The following NCAM2 variants were observed in gnomAD, a reference collection of about 807,000 sequenced individuals.
The protein encoded by NCAM2 is neural cell adhesion molecule 2, also known as N-CAM-2.
NCAM2 carries 30 observed loss-of-function variants against 98.1 expected under a neutral mutation model. The ratio of observed to expected loss-of-function variants is 0.31; its 90% confidence interval spans 0.23 to 0.41. The LOEUF (loss-of-function observed/expected upper bound fraction) is 0.41, where lower values mean the gene tolerates loss of function less well. Among genes scored for constraint, NCAM2 ranks in the 10% least tolerant of loss-of-function variants. The pLI, the probability that NCAM2 is intolerant of heterozygous loss-of-function variation, is 1.00. For synonymous variants in NCAM2, 368 were observed against 342.4 expected, an observed-to-expected ratio of 1.07 and a Z score of -0.83; for missense variants, 867 against 1,005.8, an observed-to-expected ratio of 0.86 and a Z score of 1.87.
At chr21:21,079,433 G>A (rs2065746889) in intron 1 of NCAM2, among the ~76,000 whole-genome samples, 1 of 151,926 alleles carries the variant, frequency 6.6e-6, no homozygotes, top group Admixed American at 6.6e-5. Flanking sequence ...ATATCTAGGG[G>A]GAAAATAAGA....
intron 9 of NCAM2, among the ~76,000 whole-genome samples, chr21:21,397,986 C>A (rs1431028901): frequency 1.3e-5 from 2 of 152,192 alleles, no homozygotes; most frequent in Non-Finnish European, 2.9e-5. Context: ...TATAGCAGCA[C>A]AATTAGCAAA....
At chr21:21,265,009 T>TACAC (rs2072116747) in intron 1 of NCAM2, among the ~76,000 whole-genome samples, 1 of 6,720 alleles carries the variant, frequency 1.5e-4, no homozygotes, top group African/African-American at 5.3e-4. Flanking sequence ...TATATACACA[T>TACAC]ATATATTATA....
intron 1 of NCAM2, among the ~76,000 whole-genome samples, chr21:21,049,873 A>G (rs2065072468): frequency 6.9e-6 from 1 of 144,742 alleles, no homozygotes; most frequent in Admixed American, 6.7e-5. Flanking sequence ...CTCCATCTCA[A>G]AAAAAAAAAA....
At chr21:21,294,937 A>G (rs1228555744) in intron 5 of NCAM2, among the ~76,000 whole-genome samples, 3 of 151,718 alleles carry the variant, frequency 2.0e-5, no homozygotes, top group African/African-American at 7.2e-5. Context: ...TTTTATTCAT[A>G]TTATTTGATC....
chr21:21,136,634 T>TG (rs1219284263), intron 1 of NCAM2, among the ~76,000 whole-genome samples: 18 of 60,788 alleles, frequency 3.0e-4, no homozygotes, highest in Middle Eastern at 6.8e-3. Context: ...TTTTTTGTTT[T>TG]TTTTTTTATT....
At chr21:21,366,032 G>C (rs537257853) in intron 8 of NCAM2, among the ~76,000 whole-genome samples, 3 of 152,020 alleles carry the variant, frequency 2.0e-5, no homozygotes, top group African/African-American at 4.8e-5. Context: ...TCCATGCTGT[G>C]AGTATGGGGT....
intron 16 of NCAM2, among the ~76,000 whole-genome samples, chr21:21,515,153 G>A (rs1449421332): frequency 6.6e-6 from 1 of 152,172 alleles, no homozygotes; most frequent in Non-Finnish European, 1.5e-5. Flanking sequence ...AATAACTTGT[G>A]TGAGCTTTGT....
intron 1 of NCAM2, among the ~76,000 whole-genome samples, chr21:21,029,996 T>C (rs1449768906): frequency 6.6e-6 from 1 of 152,198 alleles, no homozygotes; most frequent in Non-Finnish European, 1.5e-5. Flanking sequence ...GTAAACTTGA[T>C]TTAATTAAAT....
chr21:21,410,522 A>G, intron 10 of NCAM2, 61 bp downstream of exon 10: 1 of 886,284 alleles, frequency 1.1e-6, no homozygotes, highest in Non-Finnish European at 1.6e-6. Flanking sequence ...ACTATTTCAG[A>G]ATATATTTAA....
At chr21:21,448,767 T>G (rs1047256456) in intron 12 of NCAM2, among the ~76,000 whole-genome samples, 4 of 152,060 alleles carry the variant, frequency 2.6e-5, no homozygotes, top group African/African-American at 9.7e-5. Flanking sequence ...GAAACTGCAG[T>G]AAACTTATGA....
intron 1 of NCAM2, among the ~76,000 whole-genome samples, chr21:21,248,394 C>A (rs1195185779): frequency 1.3e-5 from 2 of 152,018 alleles, no homozygotes; most frequent in East Asian, 1.9e-4. Flanking sequence ...CCTTACTTTT[C>A]TTCCTCTTTA....
intron 12 of NCAM2, among the ~76,000 whole-genome samples, chr21:21,460,222 T>G (rs1203811432): frequency 1.3e-5 from 2 of 151,990 alleles, no homozygotes; most frequent in African/African-American, 4.8e-5. Context: ...ATGAGGATTT[T>G]CATTTACTAC....
chr21:21,200,407 C>CA (rs1568758682), intron 1 of NCAM2, among the ~76,000 whole-genome samples: 71 of 38,116 alleles, frequency 1.9e-3, no homozygotes, highest in African/African-American at 3.5e-3. Context: ...AACCCCATGC[C>CA]TGAAAAAAAA....
intron 1 of NCAM2, among the ~76,000 whole-genome samples, chr21:21,205,808 A>G (rs929414010): frequency 6.6e-6 from 1 of 152,122 alleles, no homozygotes; most frequent in Non-Finnish European, 1.5e-5. Flanking sequence ...CAGATTTGGT[A>G]TCTGGCGAGG....
chr21:21,525,851 G>A (rs888107065), intron 16 of NCAM2, among the ~76,000 whole-genome samples: 2 of 151,896 alleles, frequency 1.3e-5, no homozygotes, highest in African/African-American at 2.4e-5. Flanking sequence ...CTGGTTCAAC[G>A]TTAAAAAATC....
chr21:21,364,706 T>C (rs1292772889), intron 8 of NCAM2, among the ~76,000 whole-genome samples: 1 of 152,062 alleles, frequency 6.6e-6, no homozygotes, highest in Admixed American at 6.6e-5. Context: ...ATACTTTTAA[T>C]TTTATGGTAT....
Position 21,540,114 on chromosome 21 carries a change from T to A in NCAM2, c.*2157T>A, listed in dbSNP as rs543418657. 6.6e-6 allele frequency: 1 copy of A among 152,128 alleles called. No homozygotes were observed. Among genetic ancestry groups the A allele is most frequent in the African/African-American group, 2.4e-5 (1 of 41,452 alleles). 9.4% of individuals were successfully genotyped at this position (152,128 alleles called of 1,614,324 possible). On this transcript the variant is annotated 3_prime_UTR_variant, in exon 18 of 18. Coordinates refer to ENST00000400546, the MANE Select transcript of NCAM2 (RefSeq NM_004540.5). ...GACTGAGAAAGTCATTTCGCATGTT[T>A]ACTATTGTTATATTCGTGCTTTACT...
intron 1 of NCAM2, among the ~76,000 whole-genome samples, chr21:21,089,830 C>T (rs539022594): frequency 1.4e-4 from 21 of 152,234 alleles, no homozygotes; most frequent in Admixed American, 3.3e-4. Context: ...TGAGTTTATA[C>T]GTATATGGCT....
rs533923990 is a variant in NCAM2 at position 21,425,192 on chromosome 21, C to A, written c.1480+6623C>A. 5.9e-5 allele frequency among the ~76,000 whole-genome samples: 9 copies of A among 151,388 alleles called. No individual in the cohort carries two copies. The South Asian group carries it at 1.7e-3, about 28-fold the overall frequency. On this transcript the variant is annotated intron_variant, in intron 11 of 17. Coordinates refer to ENST00000400546, the MANE Select transcript of NCAM2 (RefSeq NM_004540.5). ...GTGGTGTTCTAGAGACAGATTTCAA[C>A]ATAGAATAAAATGTACGTATGTAAC...
Sources: gnomAD v4.1 joint callset for allele counts (sites outside exome capture counted in the v4.1 genomes callset) on GRCh38, gnomAD v4.1.1 for gene constraint, MANE v1.5 for transcripts, NCBI Gene and HGNC (gene_info 2026-07-23, HGNC 2026-07-21) for gene names.